Variants in RCAN1 observed in about 807,000 individuals in gnomAD.
RCAN1 encodes calcipressin-1.
RCAN1 carries 11 observed loss-of-function variants against 22.9 expected under a neutral mutation model. The observed-to-expected ratio is 0.48, with a 90% confidence interval of 0.30 to 0.79. The LOEUF is 0.79. RCAN1 is among the 30% of genes least tolerant of loss of function. The pLI, the probability that RCAN1 is intolerant of heterozygous loss-of-function variation, is 0.06. For synonymous variants in RCAN1, 136 were observed against 142.3 expected (o/e 0.96, Z 0.32); for missense variants, 291 against 337.8 (o/e 0.86, Z 1.09).
chr21:34,550,967 G>C (rs1465039857), intron 1 of RCAN1, among the ~76,000 whole-genome samples: 1 of 152,172 alleles, frequency 6.6e-6, no homozygotes, highest in Non-Finnish European at 1.5e-5. Context: ...ATACCAAGCT[G>C]TAAGTAACTC....
At position 34,567,567 on chromosome 21, in the gene RCAN1, A is replaced by AG. The variant is rs796208524; in HGVS notation, c.253-43858_253-43857insC. ...GAGACTCCATCTCAAAAAAAAAAAA[A>AG]AAAGAAAGAAACTCCTGAATACTTC... On this transcript the variant is annotated intron_variant, in intron 1 of 3. Coordinates refer to ENST00000313806, the MANE Select transcript of RCAN1 (RefSeq NM_004414.7). 6.6e-4 allele frequency among the ~76,000 whole-genome samples: 100 copies of AG among 152,136 alleles called. 2 individuals carry two copies. In the East Asian group the frequency reaches 0.018, roughly 27 times the overall value.
Position 34,614,945 on chromosome 21 carries a change from G to T in RCAN1, c.67C>A (p.Arg23=), listed in dbSNP as rs1332906316. 2 of 1,203,722 alleles carry T rather than the reference G, an allele frequency of 1.7e-6. No individual in the cohort carries two copies. Among genetic ancestry groups the T allele is most frequent in the Admixed American group, 4.5e-5 (1 of 22,178 alleles). The allele number at this position is 1,203,722 out of a possible 1,614,324, so 74.6% of individuals were successfully genotyped here. The change falls in exon 1 of 4, where the codon CGA becomes AGA. Residue 23 remains arginine (R), a synonymous_variant. Coordinates refer to ENST00000313806, the MANE Select transcript of RCAN1 (RefSeq NM_004414.7). This position sits in a 1 kb window ranked among gnomAD's most constrained non-coding sequence, Gnocchi z 6.0. ...AAEAAEAAEA[R]ARPGVTLRPF... is the part of the protein sequence containing the mutation. Reference sequence around the variant, plus strand: ...CGCAGCGTCACCCCGGGCCGCGCTCGCGCCTCGGCCGCCTCCGCCGCCTCC... The same window carrying T: ...CGCAGCGTCACCCCGGGCCGCGCTCTCGCCTCGGCCGCCTCCGCCGCCTCC...
chr21:34,529,611 A>C (rs968556335), intron 1 of RCAN1, among the ~76,000 whole-genome samples: 11 of 152,256 alleles, frequency 7.2e-5, no homozygotes, highest in African/African-American at 2.7e-4. Context: ...AAACGGATCC[A>C]AAGCAAGTAT....
rs1985973398 is a variant in RCAN1, at chr21:34,542,796, G to T, written c.253-19086C>A. 2.6e-5 allele frequency among the ~76,000 whole-genome samples: 4 copies of T among 152,202 alleles called. No individual in the cohort carries two copies. The South Asian group carries it at 8.3e-4, about 32-fold the overall frequency. The stretch of plus-strand genomic sequence containing the variant: ...AGCAGGGTCCTTAGTGGAACAGTGG[G>T]TGTAAGAGGAAGGAGAGATGGGTGG... On this transcript the variant is annotated intron_variant, in intron 1 of 3. Coordinates refer to ENST00000313806, the MANE Select transcript of RCAN1 (RefSeq NM_004414.7).
intron 1 of RCAN1, chr21:34,559,324 C>G (rs1054143401): frequency 6.6e-6 from 1 of 152,164 alleles, no homozygotes; most frequent in African/African-American, 2.4e-5. Context: ...TGGGCAGTGG[C>G]TTATATGTTC....
At chr21:34,522,925 A>G (rs1178517281) in intron 2 of RCAN1, 1 of 152,256 alleles carries the variant, frequency 6.6e-6, no homozygotes, top group African/African-American at 2.4e-5. Flanking sequence ...GGTAGTGGGC[A>G]GGAGAAAAGG....
rs530565254 is a variant in RCAN1 at position 34,567,489 on chromosome 21, A to G, written c.253-43779T>C. 1.2e-4 allele frequency among the ~76,000 whole-genome samples: 18 copies of G among 149,166 alleles called. No individual in the cohort carries two copies. The East Asian group carries it at 3.5e-3, about 29-fold the overall frequency. On this transcript the variant is annotated intron_variant, in intron 1 of 3. Coordinates refer to ENST00000313806, the MANE Select transcript of RCAN1 (RefSeq NM_004414.7). ...AGAATTGCTTGAACCCAGGAGGCGG[A>G]GGTTGCAGTGAGCCGAGATCAAGCC...
At chr21:34,546,250 C>T (rs1986131909) in intron 1 of RCAN1, among the ~76,000 whole-genome samples, 1 of 152,206 alleles carries the variant, frequency 6.6e-6, no homozygotes, top group South Asian at 2.1e-4. Flanking sequence ...TAACAACACT[C>T]TCTTCCTTAC....
chr21:34,572,797 T>C (rs1479794573), intron 1 of RCAN1, among the ~76,000 whole-genome samples: 2 of 152,156 alleles, frequency 1.3e-5, no homozygotes, highest in East Asian at 3.8e-4. Context: ...TCAGGAAATG[T>C]ATAATCATGG....
intron 1 of RCAN1, among the ~76,000 whole-genome samples, chr21:34,536,600 A>C (rs1985682118): frequency 6.6e-6 from 1 of 152,160 alleles, no homozygotes; most frequent in Non-Finnish European, 1.5e-5. Flanking sequence ...GCAGCATTCC[A>C]TACTCTCCTT....
chr21:34,605,537 A>G (rs1260198769), intron 1 of RCAN1, among the ~76,000 whole-genome samples: 2 of 152,218 alleles, frequency 1.3e-5, no homozygotes, highest in African/African-American at 2.4e-5. Context: ...TCCCGTAGGT[A>G]AAAACACTCT....
chr21:34,578,864 G>C (rs1310190943), intron 1 of RCAN1, among the ~76,000 whole-genome samples: 1 of 152,176 alleles, frequency 6.6e-6, no homozygotes, highest in Non-Finnish European at 1.5e-5. Flanking sequence ...TGCCTGGGAA[G>C]AGCGTAGCTG....
chr21:34,531,925 A>G (rs1419468171), intron 1 of RCAN1, among the ~76,000 whole-genome samples: 1 of 152,026 alleles, frequency 6.6e-6, no homozygotes, highest in African/African-American at 2.4e-5. Flanking sequence ...ATATTATTCA[A>G]TGATGCCTGC....
chr21:34,521,705 T>C (rs1277896382), intron 2 of RCAN1, 47 bp from the exon 3 acceptor site: 7 of 1,525,988 alleles, frequency 4.6e-6, no homozygotes, highest in East Asian at 4.5e-5. Flanking sequence ...AGGGAAGAAC[T>C]GCAGTGAGGC....
At chr21:34,606,928 T>C (rs1568934255) in intron 1 of RCAN1, among the ~76,000 whole-genome samples, 1 of 152,248 alleles carries the variant, frequency 6.6e-6, no homozygotes, top group Admixed American at 6.5e-5. Context: ...TTTTTTGTTA[T>C]GGCAGCCTGA....
intron 1 of RCAN1, among the ~76,000 whole-genome samples, chr21:34,567,104 C>G (rs955384290): frequency 6.6e-5 from 10 of 151,184 alleles, no homozygotes; most frequent in African/African-American, 2.4e-4. Context: ...CTCCCCACCC[C>G]CTAAATCCTG....
intron 1 of RCAN1, among the ~76,000 whole-genome samples, chr21:34,546,810 A>G (rs2123636955): frequency 6.6e-6 from 1 of 152,344 alleles, no homozygotes; most frequent in South Asian, 2.1e-4. Flanking sequence ...ATATGGAAAA[A>G]GAGCGTGTTT....
In RCAN1 at chr21:34,576,016, C is replaced by G. The variant is rs117158325; in HGVS notation, c.252+38744G>C. Reference sequence around the variant, plus strand: ...TCCTTAACTCTGAGTGAGCCAGGGTCCTGTGGAATTCTCCAAAACTGCTGT... The same window carrying G: ...TCCTTAACTCTGAGTGAGCCAGGGTGCTGTGGAATTCTCCAAAACTGCTGT... On this transcript the variant is annotated intron_variant, in intron 1 of 3. Coordinates refer to ENST00000313806, the MANE Select transcript of RCAN1 (RefSeq NM_004414.7). Among the ~76,000 whole-genome samples, 1,028 of 152,224 alleles carry G rather than the reference C, an allele frequency of 6.8e-3. 9 individuals are homozygous for G. Among genetic ancestry groups the G allele is most frequent in the Middle Eastern group, 0.01 (3 of 294 alleles).
intron 1 of RCAN1, chr21:34,526,539 T>C: frequency 1.1e-6 from 1 of 938,466 alleles, no homozygotes; most frequent in South Asian, 2.0e-5. Flanking sequence ...CGAAAGACTT[T>C]GGATTTCTTT....
Sources: gnomAD v4.1 joint callset for allele counts (sites outside exome capture counted in the v4.1 genomes callset) on GRCh38, gnomAD v4.1.1 for gene constraint, Gnocchi (gnomAD v3.1) non-coding constraint, MANE v1.5 for transcripts, NCBI Gene and HGNC (gene_info 2026-07-23, HGNC 2026-07-21) for gene names.